Variants in TTC28 observed in about 807,000 individuals in gnomAD.
TTC28 encodes tetratricopeptide repeat protein 28.
Under a neutral mutation model 198.0 loss-of-function variants are expected in TTC28, and 61 were observed. The observed-to-expected ratio is 0.31, with a 90% CI of 0.25 to 0.38. The LOEUF is 0.38. Ranked by LOEUF, TTC28 falls within the 10% of genes least tolerant of loss-of-function variation. TTC28 has a pLI of 1.00. For synonymous variants in TTC28, 1,171 were observed against 1,297.8 expected (o/e 0.90, Z 2.10); for missense variants, 2,678 against 3,164.0 (o/e 0.85, Z 3.69).
At chr22:28,281,510 C>T (rs1356482204) in intron 5 of TTC28, among the ~76,000 whole-genome samples, 1 of 152,154 alleles carries the variant, frequency 6.6e-6, no homozygotes, top group Non-Finnish European at 1.5e-5. Context: ...CATATTTGGA[C>T]ATAGTTACAG....
intron 12 of TTC28, among the ~76,000 whole-genome samples, chr22:28,052,003 GCA>G (rs1005802863): frequency 5.6e-4 from 85 of 152,036 alleles, no homozygotes; most frequent in African/African-American, 2.0e-3. Context: ...AAAATCCAAG[GCA>G]CAGACAAAAG....
chr22:28,071,228 C>G (rs908993379), intron 12 of TTC28, among the ~76,000 whole-genome samples: 1 of 152,144 alleles, frequency 6.6e-6, no homozygotes. Flanking sequence ...CATCCCATTA[C>G]TGGGTATATA....
chr22:28,672,078 G>A (rs1251659510), intron 1 of TTC28, among the ~76,000 whole-genome samples: 4 of 151,910 alleles, frequency 2.6e-5, no homozygotes, highest in African/African-American at 4.8e-5. Context: ...CCAGGCTGGA[G>A]TGCAGTGGTG....
rs952169916 is a variant in TTC28, at chr22:28,193,692, G to A, written c.934-30093C>T. 9.2e-5 allele frequency among the ~76,000 whole-genome samples: 14 copies of A among 152,054 alleles called. 1 individual carries two copies. The highest frequency in any genetic ancestry group is 3.1e-4 in the African/African-American group (13 of 41,408). ...ACAAAGATTGAAAGACACAAGGAAGGTCATTACATAATGTTAAAGGGATCA... is the reference window on the plus strand; with the variant it reads ...ACAAAGATTGAAAGACACAAGGAAGATCATTACATAATGTTAAAGGGATCA... On this transcript the variant is annotated intron_variant, in intron 5 of 22. Coordinates refer to ENST00000397906, the MANE Select transcript of TTC28 (RefSeq NM_001145418.2).
chr22:28,437,979 G>A (rs2047549060), intron 2 of TTC28, among the ~76,000 whole-genome samples: 1 of 152,138 alleles, frequency 6.6e-6, no homozygotes, highest in Non-Finnish European at 1.5e-5. Flanking sequence ...CTCCCCCAAG[G>A]CCAAGAGTCA....
chr22:28,587,947 C>T (rs1409135722), intron 2 of TTC28, among the ~76,000 whole-genome samples: 2 of 151,794 alleles, frequency 1.3e-5, no homozygotes, highest in East Asian at 3.9e-4. Context: ...CGAGACCATC[C>T]TGGCTAACAT....
At chr22:28,486,000 T>A (rs1341783036) in intron 2 of TTC28, among the ~76,000 whole-genome samples, 1 of 152,178 alleles carries the variant, frequency 6.6e-6, no homozygotes, top group South Asian at 2.1e-4. Context: ...ATAATCTTGG[T>A]AAGAGATACA....
rs527751749 is a variant in TTC28 at position 28,071,343 on chromosome 22, C to A, written c.3932+22737G>T. On this transcript the variant is annotated intron_variant, in intron 12 of 22. Coordinates refer to ENST00000397906, the MANE Select transcript of TTC28 (RefSeq NM_001145418.2). ...ACTTGGAACCAACCCAAATGTCCAA[C>A]AATGATAGACTGGATTAAGAAAACG... 9.2e-4 allele frequency among the ~76,000 whole-genome samples: 139 copies of A among 151,362 alleles called. 1 individual carries two copies. The highest frequency in any genetic ancestry group is 3.2e-3 in the African/African-American group (132 of 41,134).
rs532982732 is a variant in TTC28 at position 28,169,493 on chromosome 22, A to C, written c.934-5894T>G. On this transcript the variant is annotated intron_variant, in intron 5 of 22. Transcript: ENST00000397906. Reference sequence around the variant, plus strand: ...ACACCATGGAATACTATGCAGCCATAAAAAAGGATGAGTCATGTCCTTTGT... The same window carrying C: ...ACACCATGGAATACTATGCAGCCATCAAAAAGGATGAGTCATGTCCTTTGT... Among the ~76,000 whole-genome samples, 141 of 152,276 alleles carry C rather than the reference A, an allele frequency of 9.3e-4. 1 individual carries two copies. Among genetic ancestry groups the C allele is most frequent in the African/African-American group, 3.2e-3 (134 of 41,548 alleles).
intron 2 of TTC28, among the ~76,000 whole-genome samples, chr22:28,404,488 T>C (rs963505672): frequency 2.0e-5 from 3 of 152,196 alleles, no homozygotes; most frequent in Admixed American, 6.5e-5. Context: ...ACCACTGTTC[T>C]ACACACACTT....
intron 12 of TTC28, among the ~76,000 whole-genome samples, chr22:28,058,622 T>C (rs959939302): frequency 5.9e-5 from 9 of 152,156 alleles, no homozygotes; most frequent in African/African-American, 1.7e-4. Flanking sequence ...ATTAGGGTTA[T>C]AATACAAGTT....
intron 2 of TTC28, among the ~76,000 whole-genome samples, chr22:28,603,647 G>A (rs1405288028): frequency 6.6e-6 from 1 of 151,894 alleles, no homozygotes; most frequent in Non-Finnish European, 1.5e-5. Flanking sequence ...CTCCTGCCTC[G>A]GCTTTCCAAA....
At chr22:28,345,117 T>C (rs2045885573) in intron 2 of TTC28, among the ~76,000 whole-genome samples, 2 of 152,190 alleles carry the variant, frequency 1.3e-5, no homozygotes, top group Admixed American at 6.5e-5. Flanking sequence ...TTATTCAGCG[T>C]GGTTTAGTCA....
At chr22:28,012,854 T>C (rs534580447) in intron 14 of TTC28, among the ~76,000 whole-genome samples, 4 of 152,254 alleles carry the variant, frequency 2.6e-5, no homozygotes, top group South Asian at 2.1e-4. Flanking sequence ...ACCTGTTGCA[T>C]TGGGTGTTAT....
intron 2 of TTC28, among the ~76,000 whole-genome samples, chr22:28,588,704 A>G (rs1434762206): frequency 2.0e-5 from 3 of 152,234 alleles, no homozygotes. Context: ...TGGCTTTGGA[A>G]GGGATTTTCC....
chr22:28,629,638 A>T lies in TTC28; in HGVS notation c.295T>A (p.Ser99Thr). The T allele has an allele frequency of 6.4e-7, 1 of 1,551,690 alleles. No homozygotes were observed. The highest frequency in any genetic ancestry group is 8.7e-7 in the Non-Finnish European group (1 of 1,146,984). The change falls in exon 2 of 23, where the codon TCT becomes ACT. Residue 99 changes from serine to threonine, a missense_variant. This residue lies in a region of TTC28 where 176 missense variants were observed against 197.9 expected (regional missense o/e 0.89). Coordinates refer to ENST00000397906, the MANE Select transcript of TTC28 (RefSeq NM_001145418.2). ...PQNCILYSNR[S>T]AAYMKIQQYD... ...TGCTGGATTTTCATGTAGGCTGCAGATCTATTGCTGTATAAGATGCAGTTC... is the reference window on the plus strand; with the variant it reads ...TGCTGGATTTTCATGTAGGCTGCAGTTCTATTGCTGTATAAGATGCAGTTC...
rs560088800 is a variant in TTC28, at chr22:28,481,153, A to C, written c.381+148399T>G. On this transcript the variant is annotated intron_variant, in intron 2 of 22. Coordinates refer to ENST00000397906, the MANE Select transcript of TTC28 (RefSeq NM_001145418.2). The stretch of plus-strand genomic sequence containing the variant: ...CTCAACATAAAATCAAGCTATTTCA[A>C]GACAGATACTTTTAAAAGAATGAAA... Among the ~76,000 whole-genome samples, 395 of 152,338 alleles carry C rather than the reference A, an allele frequency of 2.6e-3. 1 individual carries two copies. The highest frequency in any genetic ancestry group is 3.9e-3 in the Non-Finnish European group (268 of 68,016).
intron 2 of TTC28, among the ~76,000 whole-genome samples, chr22:28,366,627 C>T (rs546073584): frequency 2.7e-4 from 41 of 152,062 alleles, no homozygotes; most frequent in Admixed American, 2.4e-3. Flanking sequence ...ACTAAACTCT[C>T]CAATCAAGAC....
At chr22:28,101,367 G>T in intron 8 of TTC28, 87 bp from the exon 9 acceptor site, 1 of 1,171,810 alleles carries the variant, frequency 8.5e-7, no homozygotes, top group Non-Finnish European at 1.2e-6. Context: ...TTTTACTTTT[G>T]TGTTTTTGTT....
Sources: gnomAD v4.1 joint callset for allele counts (sites outside exome capture counted in the v4.1 genomes callset) on GRCh38, gnomAD v4.1.1 for gene constraint, gnomAD v4.1.1 regional missense constraint, MANE v1.5 for transcripts, NCBI Gene and HGNC (gene_info 2026-07-23, HGNC 2026-07-21) for gene names.